LARP7: variants seen among roughly 807,000 people sequenced by gnomAD.
LARP7 encodes La ribonucleoprotein 7, transcriptional regulator.
LARP7 carries 52 observed loss-of-function variants against 69.3 expected under a neutral mutation model. The observed-to-expected ratio is 0.75, with a 90% confidence interval of 0.60 to 0.95. The LOEUF is 0.95. Ranked by LOEUF, LARP7 falls within the 40% of genes least tolerant of loss-of-function variation. The pLI, the probability that LARP7 is intolerant of heterozygous loss-of-function variation, is 0.00. For synonymous variants in LARP7, 254 were observed against 215.9 expected (o/e 1.18, Z -1.55); for missense variants, 733 against 673.0 (o/e 1.09, Z -0.99).
At chr4:112,638,222 G>C (rs995457434) in intron 1 of LARP7, among the ~76,000 whole-genome samples, 2 of 152,172 alleles carry the variant, frequency 1.3e-5, no homozygotes, top group African/African-American at 2.4e-5. Context: ...CTTGAACTCG[G>C]GAAGCAGAGA....
chr4:112,650,701 A>T, intron 10 of LARP7, 119 bp downstream of exon 10: 1 of 1,080,526 alleles, frequency 9.3e-7, no homozygotes, highest in Non-Finnish European at 1.3e-6. Flanking sequence ...TCCCTATGGT[A>T]AACTACTGTA....
intron 11 of LARP7, 32 bp downstream of exon 11, chr4:112,653,268 T>G (rs768129011): frequency 5.2e-5 from 79 of 1,524,860 alleles, no homozygotes; most frequent in Middle Eastern, 3.8e-4. Flanking sequence ...CTTTTTTTTT[T>G]GTTATCATCC....
At chr4:112,648,616 C>T in intron 8 of LARP7, 1 of 447,224 alleles carries the variant, frequency 2.2e-6, no homozygotes, top group Non-Finnish European at 4.7e-6. Flanking sequence ...AGAAAGAAAA[C>T]AAAATGGCAT....
At position 112,638,915 on chromosome 4, in the gene LARP7, C is replaced by G. The variant is rs115401857; in HGVS notation, c.-3+1676C>G. On this transcript the variant is annotated intron_variant, in intron 1 of 12. Coordinates refer to ENST00000344442, the MANE Select transcript of LARP7 (RefSeq NM_016648.4). Reference sequence around the variant, plus strand: ...TAATGGAGCCCACTAGAATTCTTGTCCAGCCAAAGTTGCATGGACTTCAGA... The same window carrying G: ...TAATGGAGCCCACTAGAATTCTTGTGCAGCCAAAGTTGCATGGACTTCAGA... Among the ~76,000 whole-genome samples, 290 of 152,256 alleles carry G rather than the reference C, an allele frequency of 1.9e-3. 1 individual carries two copies. Among genetic ancestry groups the G allele is most frequent in the African/African-American group, 6.6e-3 (273 of 41,558 alleles).
At chr4:112,648,644 A>C (rs573266564) in intron 8 of LARP7, 2 of 421,166 alleles carry the variant, frequency 4.7e-6, no homozygotes, top group African/African-American at 2.1e-5. Flanking sequence ...GAAGAAAAAA[A>C]TTTTTTTACC....
intron 12 of LARP7, 45 bp from the exon 13 acceptor site, chr4:112,657,202 T>TGTGTGTG: frequency 3.7e-6 from 3 of 809,904 alleles, no homozygotes; most frequent in South Asian, 2.1e-5. Flanking sequence ...GTGTGTGTGT[T>TGTGTGTG]TTGAGTATCC....
At chr4:112,650,710 T>A (rs1050740175) in intron 10 of LARP7, 128 bp downstream of exon 10, 9 of 984,008 alleles carry the variant, frequency 9.1e-6, no homozygotes, top group Non-Finnish European at 1.3e-5. Context: ...TAAACTACTG[T>A]ACAGTTTTAA....
Position 112,647,050 on chromosome 4 carries a change from C to T in LARP7, c.569C>T (p.Pro190Leu). 6.2e-7 allele frequency: 1 copy of T among 1,609,724 alleles called. No individual in the cohort carries two copies. Among genetic ancestry groups the T allele is most frequent in the Non-Finnish European group, 8.5e-7 (1 of 1,179,018 alleles). The change falls in exon 6 of 13, where the codon CCA (proline) becomes CTA (leucine). Residue 190 changes from proline to leucine, a missense_variant. By Grantham distance (98) the Pro-to-Leu change is moderately conservative (BLOSUM62 -3). Transcript: ENST00000344442. ...AKAIEFLNNP[P>L]EEAPRKPGIF... The stretch of plus-strand genomic sequence containing the variant: ...TCATTTCAGTTTCTTAACAACCCAC[C>T]AGAAGAAGCACCAAGAAAACCTGGC...
intron 1 of LARP7, among the ~76,000 whole-genome samples, chr4:112,641,661 G>T (rs1009329756): frequency 1.3e-5 from 2 of 152,202 alleles, no homozygotes; most frequent in Non-Finnish European, 2.9e-5. Context: ...TGACCATGAG[G>T]TGTAAGGAAA....
chr4:112,648,432 G>T (rs747366066), intron 8 of LARP7: 2 of 534,362 alleles, frequency 3.7e-6, no homozygotes, highest in African/African-American at 3.9e-5. Flanking sequence ...AAGCAAAGGG[G>T]ATCCCTTCAA....
chr4:112,647,045 C>T lies in LARP7; in HGVS notation c.564C>T (p.Asn188=). Residue 188 remains asparagine (N), a synonymous_variant, in exon 6 of 13, where the codon AAC becomes AAT. Coordinates refer to ENST00000344442, the MANE Select transcript of LARP7 (RefSeq NM_016648.4). ...TGCAATCATTTCAGTTTCTTAACAACCCACCAGAAGAAGCACCAAGAAAAC... is the reference window on the plus strand; with the variant it reads ...TGCAATCATTTCAGTTTCTTAACAATCCACCAGAAGAAGCACCAAGAAAAC... The part of the protein sequence containing the change: ...QAAKAIEFLN[N]PPEEAPRKPG... The T allele has an allele frequency of 1.9e-6, 3 of 1,607,350 alleles. No individual in the cohort carries two copies. The highest frequency in any genetic ancestry group is 8.5e-7 in the Non-Finnish European group (1 of 1,178,458).
Position 112,654,159 on chromosome 4 carries a change from G to T in LARP7, c.1668G>T (p.Lys556Asn), listed in dbSNP as rs759357680. ...GGGAAAAGAAAAGAGGCACTGAAAAGGTAATTGATTCATTTTTGTTTTTTT... is the reference window on the plus strand; with the variant it reads ...GGGAAAAGAAAAGAGGCACTGAAAATGTAATTGATTCATTTTTGTTTTTTT... ...QPREKKRGTE[K>N]LITKAEKIRL... The change falls in exon 12 of 13, where the codon AAG becomes AAT. Residue 556 changes from lysine (K) to asparagine (N), a missense_variant and splice_region_variant. Lys to Asn is a moderately conservative substitution (Grantham distance 94). Transcript: ENST00000344442. 3 of 1,611,272 alleles carry T rather than the reference G, an allele frequency of 1.9e-6. No individual in the cohort carries two copies. In the East Asian group the frequency reaches 6.7e-5, roughly 36 times the overall value.
At chr4:112,640,559 G>T (rs1051138011) in intron 1 of LARP7, among the ~76,000 whole-genome samples, 1 of 152,198 alleles carries the variant, frequency 6.6e-6, no homozygotes, top group African/African-American at 2.4e-5. Context: ...AATTAGCAGG[G>T]TGTGGTGACA....
At chr4:112,645,181 G>A (rs2048131204) in intron 2 of LARP7, among the ~76,000 whole-genome samples, 2 of 151,830 alleles carry the variant, frequency 1.3e-5, no homozygotes, top group Non-Finnish European at 1.5e-5. Flanking sequence ...TCCTGACCTT[G>A]TGATCTGCCC....
chr4:112,640,141 G>A (rs1027586890), intron 1 of LARP7, among the ~76,000 whole-genome samples: 1 of 152,064 alleles, frequency 6.6e-6, no homozygotes. Context: ...GTTTCACTTT[G>A]TTGGCCAGGC....
chr4:112,655,938 A>G (rs2048936314), intron 12 of LARP7, among the ~76,000 whole-genome samples: 2 of 152,196 alleles, frequency 1.3e-5, no homozygotes, highest in African/African-American at 4.8e-5. Flanking sequence ...TTGGAGTACT[A>G]GGAGCATCTT....
intron 7 of LARP7, 41 bp downstream of exon 7, chr4:112,647,590 T>A: frequency 1.4e-6 from 2 of 1,452,856 alleles, no homozygotes; most frequent in Non-Finnish European, 1.8e-6. Flanking sequence ...CTAATTAATT[T>A]TAATTAATTA....
At chr4:112,647,169 G>A in intron 6 of LARP7, 30 bp from the exon 7 acceptor site, 1 of 1,593,802 alleles carries the variant, frequency 6.3e-7, no homozygotes, top group Non-Finnish European at 8.5e-7. Context: ...GTTGAAGTAA[G>A]ATGAACTAAT....
At chr4:112,641,872 G>A (rs746045868) in intron 1 of LARP7, among the ~76,000 whole-genome samples, 2 of 152,138 alleles carry the variant, frequency 1.3e-5, no homozygotes, top group African/African-American at 4.8e-5. Flanking sequence ...GAGCTAATGG[G>A]AGAAGATAGA....
Sources: allele counts gnomAD v4.1 joint callset (sites outside exome capture counted in the v4.1 genomes callset), GRCh38; gene constraint gnomAD v4.1.1; transcripts MANE v1.5; gene names NCBI Gene and HGNC (gene_info 2026-07-23, HGNC 2026-07-21).